SP140L: variants seen among roughly 807,000 people sequenced by gnomAD.
SP140L encodes nuclear body protein SP140-like protein.
Under a neutral mutation model 84.3 loss-of-function variants are expected in SP140L, and 64 were observed. The ratio of observed to expected loss-of-function variants is 0.76; its 90% CI spans 0.62 to 0.94. The LOEUF is 0.94. SP140L is among the 40% of genes least tolerant of loss of function. The pLI is 0.00. For missense variants in SP140L, 628 were observed against 692.5 expected, an observed-to-expected ratio of 0.91 and a Z score of 1.05; for synonymous variants, 242 against 236.9, an observed-to-expected ratio of 1.02 and a Z score of -0.20.
At chr2:230,366,464 G>A (rs558540060) in intron 5 of SP140L, among the ~76,000 whole-genome samples, 18 of 151,682 alleles carry the variant, frequency 1.2e-4, no homozygotes, top group Middle Eastern at 3.4e-3. Flanking sequence ...TTGCATTTGC[G>A]TGGAATATTC....
At chr2:230,359,346 A>G (rs2060644493) in intron 4 of SP140L, among the ~76,000 whole-genome samples, 1 of 152,202 alleles carries the variant, frequency 6.6e-6, no homozygotes, top group Non-Finnish European at 1.5e-5. Context: ...ACTTAGACTC[A>G]CAGGACAACC....
At chr2:230,382,059 G>A (rs1298805369) in intron 7 of SP140L, among the ~76,000 whole-genome samples, 1 of 152,120 alleles carries the variant, frequency 6.6e-6, no homozygotes, top group African/African-American at 2.4e-5. Flanking sequence ...TCCTTGATTT[G>A]TTTGTGTGTG....
intron 2 of SP140L, among the ~76,000 whole-genome samples, chr2:230,350,998 G>A (rs550860860): frequency 6.6e-6 from 1 of 152,214 alleles, no homozygotes; most frequent in African/African-American, 2.4e-5. Context: ...AGAGAAGGTT[G>A]GATCATTACA....
At chr2:230,342,329 C>T (rs1214267070) in intron 2 of SP140L, among the ~76,000 whole-genome samples, 5 of 152,238 alleles carry the variant, frequency 3.3e-5, no homozygotes, top group Admixed American at 3.3e-4. Context: ...CCAAGTGAGG[C>T]AATGCCTCGC....
chr2:230,375,455 T>TAA lies in SP140L; in HGVS notation c.637+3804_637+3805insAA, dbSNP rs747194194. On this transcript the variant is annotated intron_variant, in intron 7 of 18. Coordinates refer to ENST00000415673, the MANE Select transcript of SP140L (RefSeq NM_138402.6). ...TGGCATGTTTTTCTATTTTTAATTT[T>TAA]TGGAGAAACCTCCATACTCTTTTCT... Among the ~76,000 whole-genome samples the TAA allele has an allele frequency of 3.7e-3, 561 of 152,314 alleles. 4 individuals carry two copies. Among genetic ancestry groups the TAA allele is most frequent in the Non-Finnish European group, 6.1e-3 (417 of 68,000 alleles).
At chr2:230,388,842 G>GC in intron 10 of SP140L, 1 of 428,360 alleles carries the variant, frequency 2.3e-6, no homozygotes, top group Non-Finnish European at 4.2e-6. Context: ...AGACCCTGGG[G>GC]CCCCAGGGGG....
chr2:230,399,592 C>G (rs2062217526), intron 14 of SP140L, among the ~76,000 whole-genome samples: 1 of 152,192 alleles, frequency 6.6e-6, no homozygotes, highest in Non-Finnish European at 1.5e-5. Context: ...CCTTCCCCCT[C>G]AAAGGTAGGT....
At chr2:230,372,938 AAGCAG>A (rs1224267838) in intron 7 of SP140L, among the ~76,000 whole-genome samples, 4 of 152,190 alleles carry the variant, frequency 2.6e-5, no homozygotes, top group Non-Finnish European at 5.9e-5. Context: ...TTTAATGATA[AAGCAG>A]AACAGTCTTA....
At position 230,328,114 on chromosome 2, in the gene SP140L, G is replaced by C. The variant is rs150393552; in HGVS notation, c.33-643G>C. Among the ~76,000 whole-genome samples, 864 of 152,250 alleles carry C rather than the reference G, an allele frequency of 5.7e-3. 13 individuals carry two copies. Among genetic ancestry groups the C allele is most frequent in the African/African-American group, 0.019 (800 of 41,540 alleles). ...ACTCTGTCAACCAGGCTGGAGTGCA[G>C]TGGCACAATCCCGGCTCACTGCAAC... On this transcript the variant is annotated intron_variant, in intron 1 of 18. Transcript: ENST00000415673.
At chr2:230,349,121 A>G (rs1483385486) in intron 2 of SP140L, among the ~76,000 whole-genome samples, 4 of 152,210 alleles carry the variant, frequency 2.6e-5, no homozygotes, top group Non-Finnish European at 5.9e-5. Context: ...TACTTGTAGT[A>G]TTTGTTGAAA....
chr2:230,349,726 A>G (rs2060308913), intron 2 of SP140L, among the ~76,000 whole-genome samples: 1 of 152,184 alleles, frequency 6.6e-6, no homozygotes, highest in Non-Finnish European at 1.5e-5. Flanking sequence ...TACTTACTCT[A>G]GGCTGGGCAC....
chr2:230,392,489 G>T (rs527574227), intron 12 of SP140L, among the ~76,000 whole-genome samples: 13 of 152,124 alleles, frequency 8.5e-5, no homozygotes, highest in Non-Finnish European at 1.9e-4. Flanking sequence ...GGTGCATGTG[G>T]ACAATTTTGT....
intron 7 of SP140L, among the ~76,000 whole-genome samples, chr2:230,381,968 G>T (rs549274630): frequency 2.0e-5 from 3 of 152,328 alleles, no homozygotes; most frequent in Non-Finnish European, 4.4e-5. Context: ...TTGTCAGGGG[G>T]AAGGTGAACA....
In SP140L at chr2:230,357,875, C is replaced by T. The variant is rs755853008; in HGVS notation, c.178C>T (p.His60Tyr). The change falls in exon 3 of 19, where the codon CAT (histidine) becomes TAT (tyrosine). Residue 60 changes from histidine (H) to tyrosine (Y), a missense_variant. His to Tyr is a moderately conservative substitution (Grantham distance 83). Transcript: ENST00000415673. ...YDTVFKHFKR[H>Y]KLEISNAIKK... ...CACTGTATTCAAGCACTTCAAAAGA[C>T]ATAAGCTGGAGATATCAAATGCAAT... 6 of 1,613,966 alleles carry T rather than the reference C, an allele frequency of 3.7e-6. No individual in the cohort carries two copies. The highest frequency in any genetic ancestry group is 4.5e-5 in the East Asian group (2 of 44,892).
chr2:230,385,404 TAGTC>T, intron 9 of SP140L, 100 bp downstream of exon 9: 1 of 1,123,686 alleles, frequency 8.9e-7, no homozygotes, highest in East Asian at 2.5e-5. Flanking sequence ...TAGTCAAACT[TAGTC>T]AATTTCAGAG....
chr2:230,391,978 A>G (rs1182584815), intron 11 of SP140L, 109 bp from the exon 12 acceptor site: 11 of 1,480,934 alleles, frequency 7.4e-6, no homozygotes, highest in East Asian at 2.3e-5. Flanking sequence ...CCCTCCTGCT[A>G]TTGATCTTCA....
chr2:230,357,439 T>G (rs1468984797), intron 2 of SP140L, among the ~76,000 whole-genome samples: 1 of 152,218 alleles, frequency 6.6e-6, no homozygotes, highest in African/African-American at 2.4e-5. Flanking sequence ...TTTATTTATA[T>G]TCCATTGACT....
rs1205638432 is a variant in SP140L at position 230,327,283 on chromosome 2, G to A, written c.14G>A (p.Gly5Asp). ...TAGGGTGGGACGATGGCAGGTGGGG[G>A]CAGCGACCTGAGCACCAGGTGAGTC... Reference protein sequence around the residue: MAGGGSDLSTRGLNG... With the variant: MAGGDSDLSTRGLNG... Residue 5 changes from glycine (G) to aspartate (D), a missense_variant, in exon 1 of 19, where the codon GGC becomes GAC. Gly to Asp is a moderately conservative substitution (Grantham distance 94, BLOSUM62 -1). Coordinates refer to ENST00000415673, the MANE Select transcript of SP140L (RefSeq NM_138402.6). 9 of 1,611,698 alleles carry A rather than the reference G, an allele frequency of 5.6e-6. No individual in the cohort carries two copies. Among genetic ancestry groups the A allele is most frequent in the South Asian group, 3.3e-5 (3 of 90,566 alleles).
At chr2:230,335,687 A>G (rs1206313162) in intron 2 of SP140L, among the ~76,000 whole-genome samples, 1 of 152,116 alleles carries the variant, frequency 6.6e-6, no homozygotes, top group Non-Finnish European at 1.5e-5. Flanking sequence ...TGTGGTAACT[A>G]ATGTCAGATG....
Sources: allele counts gnomAD v4.1 joint callset (sites outside exome capture counted in the v4.1 genomes callset), GRCh38; gene constraint gnomAD v4.1.1; transcripts MANE v1.5; gene names NCBI Gene and HGNC (gene_info 2026-07-23, HGNC 2026-07-21).